Variants in ZNF804B observed in about 807,000 individuals in gnomAD.
The protein encoded by ZNF804B is zinc finger 804B.
Under a neutral mutation model 101.4 loss-of-function variants are expected in ZNF804B, and 80 were observed. The observed-to-expected ratio is 0.79, with a 90% CI of 0.66 to 0.95. The LOEUF (loss-of-function observed/expected upper bound fraction) is 0.95, where lower values mean the gene tolerates loss of function less well. ZNF804B is among the 40% of genes least tolerant of loss of function. ZNF804B has a pLI of 0.00. For synonymous variants in ZNF804B, 622 were observed against 558.8 expected (o/e 1.11, Z -1.59); for missense variants, 1,673 against 1,561.9 (o/e 1.07, Z -1.20).
At chr7:89,248,088 T>G (rs1367024214) in intron 2 of ZNF804B, among the ~76,000 whole-genome samples, 1 of 152,086 alleles carries the variant, frequency 6.6e-6, no homozygotes, top group African/African-American at 2.4e-5. Context: ...AACAAAGTCT[T>G]CAAGAAATAT....
chr7:89,313,092 ACT>A (rs973742596), intron 2 of ZNF804B, among the ~76,000 whole-genome samples: 2 of 152,154 alleles, frequency 1.3e-5, no homozygotes, highest in African/African-American at 4.8e-5. Flanking sequence ...ACAAAATGAC[ACT>A]GTTATAAATG....
At chr7:88,867,891 A>G (rs554660812) in intron 1 of ZNF804B, among the ~76,000 whole-genome samples, 12 of 152,252 alleles carry the variant, frequency 7.9e-5, no homozygotes, top group African/African-American at 2.9e-4. Flanking sequence ...GCCACATGAC[A>G]AGTGGTAGAG....
chr7:88,832,815 A>G (rs980535385), intron 1 of ZNF804B, among the ~76,000 whole-genome samples: 1 of 151,954 alleles, frequency 6.6e-6, no homozygotes, highest in Non-Finnish European at 1.5e-5. Context: ...GAAGCAAAAC[A>G]AAACAATACT....
intron 1 of ZNF804B, chr7:88,794,588 T>G (rs1365067846): frequency 1.9e-6 from 3 of 1,613,690 alleles, no homozygotes; most frequent in Non-Finnish European, 2.5e-6. Flanking sequence ...GTTTCATCTT[T>G]GACATGGCCA....
intron 1 of ZNF804B, among the ~76,000 whole-genome samples, chr7:89,160,960 A>G (rs1020789909): frequency 6.6e-6 from 1 of 152,162 alleles, no homozygotes; most frequent in African/African-American, 2.4e-5. Flanking sequence ...TGCTGTGTCC[A>G]AACACTGCAA....
At chr7:88,928,360 A>G (rs760718100) in intron 1 of ZNF804B, among the ~76,000 whole-genome samples, 12 of 152,164 alleles carry the variant, frequency 7.9e-5, no homozygotes, top group East Asian at 1.9e-4. Flanking sequence ...ACTTGGAAGA[A>G]CAAACTCTGA....
In ZNF804B at chr7:89,126,454, C is replaced by T. The variant is rs1195949088; in HGVS notation, c.109-91701C>T. On this transcript the variant is annotated intron_variant, in intron 1 of 3. Transcript: ENST00000333190. ...CAATACACAAAGAAATCCCCACACA[C>T]ATTGTGGAGTCTCTGCTTTATTAAT... Among the ~76,000 whole-genome samples, 7 of 152,120 alleles carry T rather than the reference C, an allele frequency of 4.6e-5. No individual in the cohort carries two copies. The East Asian group carries it at 1.4e-3, about 30-fold the overall frequency.
intron 1 of ZNF804B, among the ~76,000 whole-genome samples, chr7:89,045,952 G>T (rs968727656): frequency 6.6e-6 from 1 of 151,974 alleles, no homozygotes; most frequent in Non-Finnish European, 1.5e-5. Flanking sequence ...ATATGGTTTC[G>T]CTCTGTGTCC....
At chr7:89,176,700 G>C (rs1327405089) in intron 1 of ZNF804B, among the ~76,000 whole-genome samples, 1 of 147,784 alleles carries the variant, frequency 6.8e-6, no homozygotes, top group Non-Finnish European at 1.5e-5. Context: ...TTTTGGAATA[G>C]TTTGAGTAGG....
intron 2 of ZNF804B, among the ~76,000 whole-genome samples, chr7:89,273,648 A>C (rs1158323035): frequency 6.6e-6 from 1 of 152,162 alleles, no homozygotes. Flanking sequence ...TTTTATATTT[A>C]TGAAGCTTGT....
intron 1 of ZNF804B, among the ~76,000 whole-genome samples, chr7:88,950,049 C>T (rs753532451): frequency 6.6e-6 from 1 of 151,854 alleles, no homozygotes; most frequent in Non-Finnish European, 1.5e-5. Flanking sequence ...TGTATGTTAA[C>T]CATATATCCT....
chr7:89,247,016 C>T (rs1789459232), intron 2 of ZNF804B, among the ~76,000 whole-genome samples: 1 of 152,142 alleles, frequency 6.6e-6, no homozygotes. Context: ...CAGGGGGCTC[C>T]TCTCCACTAC....
chr7:89,084,898 A>G (rs1789766126), intron 1 of ZNF804B, among the ~76,000 whole-genome samples: 1 of 151,936 alleles, frequency 6.6e-6, no homozygotes. Flanking sequence ...GTTTCTAATA[A>G]GTAAAAATAC....
intron 1 of ZNF804B, among the ~76,000 whole-genome samples, chr7:89,105,844 G>T (rs1050931726): frequency 2.0e-5 from 3 of 152,096 alleles, no homozygotes. Context: ...TTCATGTTGG[G>T]GTTCCCATGA....
rs148794190 is a variant in ZNF804B at position 88,853,037 on chromosome 7, C to A, written c.108+92953C>A. On this transcript the variant is annotated intron_variant, in intron 1 of 3. Transcript: ENST00000333190. ...TGCTTGGAGTGAAAAGAAGCTATAC[C>A]CCTGCACTCTTCTCTAGCTCAAACT... 1.6e-3 allele frequency among the ~76,000 whole-genome samples: 247 copies of A among 152,108 alleles called. 1 individual carries two copies. Among genetic ancestry groups the A allele is most frequent in the African/African-American group, 5.7e-3 (235 of 41,510 alleles).
intron 2 of ZNF804B, among the ~76,000 whole-genome samples, chr7:89,277,749 T>C (rs918577678): frequency 7.9e-5 from 12 of 152,000 alleles, no homozygotes; most frequent in African/African-American, 2.9e-4. Context: ...CCATCTATCA[T>C]TTTTGGACAT....
chr7:89,050,748 A>G (rs867195599), intron 1 of ZNF804B, among the ~76,000 whole-genome samples: 1 of 152,102 alleles, frequency 6.6e-6, no homozygotes, highest in South Asian at 2.1e-4. Context: ...TCATATATCA[A>G]AACCGGCTCA....
At chr7:89,152,741 G>A (rs904142577) in intron 1 of ZNF804B, among the ~76,000 whole-genome samples, 4 of 152,052 alleles carry the variant, frequency 2.6e-5, no homozygotes, top group African/African-American at 9.7e-5. Flanking sequence ...GAGGCAATGT[G>A]CCTCAATATT....
intron 1 of ZNF804B, among the ~76,000 whole-genome samples, chr7:88,913,905 A>C (rs995162240): frequency 1.3e-5 from 2 of 152,232 alleles, no homozygotes; most frequent in African/African-American, 4.8e-5. Flanking sequence ...CAATAACATT[A>C]TAAGTATTGC....
Sources: allele counts gnomAD v4.1 joint callset (sites outside exome capture counted in the v4.1 genomes callset), GRCh38; gene constraint gnomAD v4.1.1; transcripts MANE v1.5; gene names NCBI Gene and HGNC (gene_info 2026-07-23, HGNC 2026-07-21).